The following ASIC2 variants were observed in gnomAD, a reference collection of about 807,000 sequenced individuals.
The protein encoded by ASIC2 is acid sensing ion channel subunit 2, also known as acid-sensing ion channel 2.
ASIC2 carries 25 observed loss-of-function variants against 57.3 expected under a neutral mutation model. The ratio of observed to expected loss-of-function variants is 0.44; its 90% confidence interval spans 0.32 to 0.61. ASIC2 has a LOEUF of 0.61. Among genes scored for constraint, ASIC2 ranks in the 20% least tolerant of loss-of-function variants. The probability of loss-of-function intolerance (pLI) is 0.06; values close to 1 mark genes in which losing one functional copy is unlikely to be tolerated. For synonymous variants in ASIC2, 319 were observed against 307.5 expected, an observed-to-expected ratio of 1.04 and a Z score of -0.39; for missense variants, 641 against 738.1, an observed-to-expected ratio of 0.87 and a Z score of 1.52.
intron 1 of ASIC2, among the ~76,000 whole-genome samples, chr17:33,680,169 T>C (rs1454057099): frequency 2.0e-5 from 3 of 152,092 alleles, no homozygotes; most frequent in Non-Finnish European, 2.9e-5. Flanking sequence ...ACCCCTATTC[T>C]TGGGCCTTCT....
At chr17:33,568,024 CA>C (rs1303724784) in intron 1 of ASIC2, among the ~76,000 whole-genome samples, 1 of 152,126 alleles carries the variant, frequency 6.6e-6, no homozygotes, top group Non-Finnish European at 1.5e-5. Flanking sequence ...TGGTCACCAC[CA>C]AGCCATTTTG....
chr17:33,339,117 G>A (rs760985897), intron 1 of ASIC2, among the ~76,000 whole-genome samples: 12 of 152,084 alleles, frequency 7.9e-5, no homozygotes, highest in Non-Finnish European at 1.8e-4. Context: ...AAAAAGGAAA[G>A]AAAAAATAAA....
intron 1 of ASIC2, among the ~76,000 whole-genome samples, chr17:33,175,481 T>C (rs1905714234): frequency 6.6e-6 from 1 of 151,772 alleles, no homozygotes; most frequent in African/African-American, 2.4e-5. Context: ...TTTTCCTGTG[T>C]AGGACTAGAG....
chr17:33,280,719 C>T (rs777473905), intron 1 of ASIC2, among the ~76,000 whole-genome samples: 5 of 152,196 alleles, frequency 3.3e-5, no homozygotes, highest in Non-Finnish European at 5.9e-5. Flanking sequence ...AATCAACATG[C>T]GTCTCACTCC....
At chr17:33,855,623 A>G (rs936845303) in intron 1 of ASIC2, among the ~76,000 whole-genome samples, 1 of 152,120 alleles carries the variant, frequency 6.6e-6, no homozygotes, top group Admixed American at 6.5e-5. Context: ...CTGGACTGAG[A>G]TGATGATGCT....
At chr17:34,046,365 G>A (rs1012841113) in intron 1 of ASIC2, among the ~76,000 whole-genome samples, 1 of 152,242 alleles carries the variant, frequency 6.6e-6, no homozygotes, top group Non-Finnish European at 1.5e-5. Context: ...ACTATAGTTA[G>A]AGGTTTGGAT....
At chr17:33,137,797 G>A (rs899715393) in intron 1 of ASIC2, among the ~76,000 whole-genome samples, 3 of 152,230 alleles carry the variant, frequency 2.0e-5, no homozygotes, top group African/African-American at 7.2e-5. Flanking sequence ...AGCATCTGCT[G>A]CAAGTTCCTC....
chr17:33,261,215 CTTAGT>C (rs1472699101), intron 1 of ASIC2, among the ~76,000 whole-genome samples: 5 of 152,322 alleles, frequency 3.3e-5, no homozygotes, highest in African/African-American at 1.2e-4. Context: ...TATTTCCTAG[CTTAGT>C]TATCAGAATT....
intron 1 of ASIC2, among the ~76,000 whole-genome samples, chr17:34,108,294 A>G (rs1911138366): frequency 1.3e-5 from 2 of 152,106 alleles, no homozygotes; most frequent in African/African-American, 2.4e-5. Context: ...ATTTTTTTAT[A>G]TAGTTGTAGG....
intron 1 of ASIC2, among the ~76,000 whole-genome samples, chr17:33,961,114 G>A (rs532218186): frequency 1.3e-5 from 2 of 152,298 alleles, no homozygotes; most frequent in African/African-American, 4.8e-5. Flanking sequence ...ACAGGGAAGG[G>A]AAAGGAAGGA....
chr17:33,312,476 G>C (rs529733091), intron 1 of ASIC2, among the ~76,000 whole-genome samples: 1 of 152,206 alleles, frequency 6.6e-6, no homozygotes, highest in African/African-American at 2.4e-5. Context: ...AGCCAATATG[G>C]CAGACATCAG....
intron 1 of ASIC2, chr17:33,624,082 A>G (rs937655166): frequency 6.6e-6 from 1 of 151,926 alleles, no homozygotes; most frequent in Non-Finnish European, 1.5e-5. Flanking sequence ...ATTTTTACTC[A>G]CCCTAGCTCC....
intron 1 of ASIC2, among the ~76,000 whole-genome samples, chr17:33,814,718 G>A (rs1054734126): frequency 6.6e-6 from 1 of 152,244 alleles, no homozygotes; most frequent in African/African-American, 2.4e-5. Context: ...TGGCACATAT[G>A]TGCAGGTGTG....
chr17:33,209,352 T>C (rs1907186876), intron 1 of ASIC2, among the ~76,000 whole-genome samples: 2 of 152,180 alleles, frequency 1.3e-5, no homozygotes. Flanking sequence ...AAATAATTTG[T>C]CCTTGTGGGG....
At chr17:33,658,662 A>G (rs1907152728) in intron 1 of ASIC2, among the ~76,000 whole-genome samples, 1 of 152,154 alleles carries the variant, frequency 6.6e-6, no homozygotes, top group South Asian at 2.1e-4. Flanking sequence ...AAGTGCCTTT[A>G]TAAGTGCATG....
At chr17:33,859,456 A>G (rs920514307) in intron 1 of ASIC2, among the ~76,000 whole-genome samples, 2 of 152,232 alleles carry the variant, frequency 1.3e-5, no homozygotes, top group Non-Finnish European at 2.9e-5. Context: ...TCCATCTGTT[A>G]CAAGAAAGAA....
intron 1 of ASIC2, among the ~76,000 whole-genome samples, chr17:33,747,292 C>A (rs113181011): frequency 6.8e-6 from 1 of 147,454 alleles, no homozygotes; most frequent in South Asian, 2.2e-4. Flanking sequence ...GGCATGATCA[C>A]GGCTCATTGC....
At chr17:33,485,433 A>G (rs1015875260) in intron 1 of ASIC2, among the ~76,000 whole-genome samples, 1 of 152,236 alleles carries the variant, frequency 6.6e-6, no homozygotes, top group African/African-American at 2.4e-5. Flanking sequence ...CACTGGACAC[A>G]CTGTCTTGTA....
intron 1 of ASIC2, among the ~76,000 whole-genome samples, chr17:33,820,320 T>C (rs1912707081): frequency 6.6e-6 from 1 of 152,226 alleles, no homozygotes; most frequent in Admixed American, 6.5e-5. Context: ...GCTGTAAGTA[T>C]AATACGCATG....
Sources: allele counts gnomAD v4.1 joint callset (sites outside exome capture counted in the v4.1 genomes callset), GRCh38; gene constraint gnomAD v4.1.1; transcripts MANE v1.5; gene names NCBI Gene and HGNC (gene_info 2026-07-23, HGNC 2026-07-21).